Variants in SNAP91 observed in about 807,000 individuals in gnomAD.
The protein encoded by SNAP91 is clathrin coat assembly protein AP180.
Under a neutral mutation model 100.3 loss-of-function variants are expected in SNAP91, and 27 were observed. The observed-to-expected ratio is 0.27, with a 90% confidence interval of 0.20 to 0.37. SNAP91 has a LOEUF of 0.37. SNAP91 is among the 10% of genes least tolerant of loss of function. The pLI is 1.00. For synonymous variants in SNAP91, 404 were observed against 398.6 expected (o/e 1.01, Z -0.16); for missense variants, 986 against 1,123.7 (o/e 0.88, Z 1.75).
intron 2 of SNAP91, among the ~76,000 whole-genome samples, chr6:83,670,171 C>T (rs1333497381): frequency 6.6e-6 from 1 of 151,568 alleles, no homozygotes; most frequent in Admixed American, 6.6e-5. Context: ...GGCATTTCTA[C>T]CATGCTACAT....
At chr6:83,643,019 C>A (rs2097773416) in intron 7 of SNAP91, among the ~76,000 whole-genome samples, 1 of 152,020 alleles carries the variant, frequency 6.6e-6, no homozygotes, top group African/African-American at 2.4e-5. Context: ...TATCCTTTTC[C>A]CACTTTTTGA....
At chr6:83,662,999 T>G (rs1390195607) in intron 3 of SNAP91, among the ~76,000 whole-genome samples, 1 of 152,130 alleles carries the variant, frequency 6.6e-6, no homozygotes, top group East Asian at 1.9e-4. Flanking sequence ...AGTTCAAACT[T>G]TTTCATTATT....
rs144939978 is a variant in SNAP91 at position 83,661,359 on chromosome 6, A to G, written c.452+143T>C. 3.9e-3 allele frequency: 1,999 copies of G among 512,466 alleles called. 25 individuals carry two copies. The highest frequency in any genetic ancestry group is 0.035 in the African/African-American group (1,813 of 51,842). 31.7% of individuals were successfully genotyped at this position (512,466 alleles called of 1,614,324 possible). ...TTGCAACTTCAAGGCTAACTTCTAC[A>G]ATATTATTGAGTTCCTTTTTTTAGG... On this transcript the variant is annotated intron_variant, in intron 5 of 29. Coordinates refer to ENST00000369694, the MANE Select transcript of SNAP91 (RefSeq NM_001242792.2).
chr6:83,662,601 TA>T (rs1226402229), intron 3 of SNAP91, among the ~76,000 whole-genome samples, 179 bp from the exon 4 acceptor site: 1 of 152,140 alleles, frequency 6.6e-6, no homozygotes, highest in Non-Finnish European at 1.5e-5. Context: ...GAATTAGAAT[TA>T]AATTGTACGA....
At chr6:83,622,047 T>C (rs2096750619) in intron 9 of SNAP91, among the ~76,000 whole-genome samples, 1 of 152,132 alleles carries the variant, frequency 6.6e-6, no homozygotes, top group African/African-American at 2.4e-5. Flanking sequence ...AAGAGATTTT[T>C]AGTGGCACTT....
At chr6:83,633,858 C>T (rs2097312137) in intron 8 of SNAP91, among the ~76,000 whole-genome samples, 1 of 151,784 alleles carries the variant, frequency 6.6e-6, no homozygotes, top group Admixed American at 6.6e-5. Context: ...GTGGTGTCTG[C>T]ACACAGATTC....
chr6:83,651,692 C>T, intron 7 of SNAP91, among the ~76,000 whole-genome samples: 1 of 152,082 alleles, frequency 6.6e-6, no homozygotes, highest in South Asian at 2.1e-4. Context: ...TCTATGCAAG[C>T]TTGAGAAGAA....
Position 83,707,910 on chromosome 6 carries a change from G to A in SNAP91, c.18C>T (p.Leu6=). MSGQT[L]TDRIAAAQYS... ...ACTGAGCGGCGGCGATCCGATCCGT[G>A]AGCGTTTGGCCCGACATCTTCTGTG... The change falls in exon 2 of 30, where the codon CTC becomes CTT. Residue 6 remains leucine (L), a synonymous_variant. Coordinates refer to ENST00000369694, the MANE Select transcript of SNAP91 (RefSeq NM_001242792.2). 6.3e-7 allele frequency: 1 copy of A among 1,590,384 alleles called. No individual in the cohort carries two copies. The highest frequency in any genetic ancestry group is 8.5e-7 in the Non-Finnish European group (1 of 1,172,278).
rs1184252930 is a variant in SNAP91 at position 83,556,342 on chromosome 6, G to GGAGA, written c.2632-101_2632-98dup. On this transcript the variant is annotated intron_variant, in intron 28 of 29. Coordinates refer to ENST00000369694, the MANE Select transcript of SNAP91 (RefSeq NM_001242792.2). The stretch of plus-strand genomic sequence containing the variant: ...GGGGCAGGGGGAGAGAGGGAGAGGG[G>GGAGA]GAGAGAGAGAGAGAGAGAGAGAGAG... 60 of 19,722 alleles carry GGAGA rather than the reference G, an allele frequency of 3.0e-3. 1 individual carries two copies. Among genetic ancestry groups the GGAGA allele is most frequent in the East Asian group, 6.9e-3 (6 of 872 alleles). The allele number at this position is 19,722 out of a possible 1,614,324, so 1.2% of individuals were successfully genotyped here.
chr6:83,707,968 C>A lies in SNAP91; in HGVS notation c.-30-11G>T. 1 of 1,538,628 alleles carries A rather than the reference C, an allele frequency of 6.5e-7. No homozygotes were observed. The highest frequency in any genetic ancestry group is 8.7e-7 in the Non-Finnish European group (1 of 1,153,444). ...CTACCGCCTCCTCTTCTGCAGGAAA[C>A]AAGGGGAGACGGTCCGGCTTTAATC... On this transcript the variant is annotated splice_polypyrimidine_tract_variant and intron_variant, in intron 1 of 29. Coordinates refer to ENST00000369694, the MANE Select transcript of SNAP91 (RefSeq NM_001242792.2).
chr6:83,617,818 AGC>A lies in SNAP91; in HGVS notation c.808-781_808-780del, dbSNP rs560833340. 3.1e-3 allele frequency among the ~76,000 whole-genome samples: 463 copies of A among 150,880 alleles called. 2 individuals carry two copies. Among genetic ancestry groups the A allele is most frequent in the African/African-American group, 0.011 (436 of 40,476 alleles). On this transcript the variant is annotated intron_variant, in intron 9 of 29. Transcript: ENST00000369694. Reference sequence around the variant, plus strand: ...AATTTTTCACCCAATCTATTCCTTAAGCATTAGAGATTTCATTTCATCTTTCT... The same window carrying A: ...AATTTTTCACCCAATCTATTCCTTAAATTAGAGATTTCATTTCATCTTTCT...
intron 12 of SNAP91, 75 bp from the exon 13 acceptor site, chr6:83,607,883 G>C (rs1435332077): frequency 1.3e-6 from 1 of 756,494 alleles, no homozygotes; most frequent in African/African-American, 1.8e-5. Context: ...ACTTTTCTTT[G>C]TATAACCATG....
At position 83,600,076 on chromosome 6, in the gene SNAP91, G is replaced by A. The variant is rs752881963; in HGVS notation, c.1324+1195C>T. On this transcript the variant is annotated intron_variant, in intron 16 of 29. Coordinates refer to ENST00000369694, the MANE Select transcript of SNAP91 (RefSeq NM_001242792.2). ...TAGTATTACAGATGTGAGCCACTGC[G>A]CCAGACCATGGGTGACTCTTTATTC... 2.7e-4 allele frequency among the ~76,000 whole-genome samples: 41 copies of A among 152,142 alleles called. 1 individual carries two copies. Among genetic ancestry groups the A allele is most frequent in the Admixed American group, 1.3e-4 (2 of 15,282 alleles).
chr6:83,705,779 TG>T (rs1186859870), intron 2 of SNAP91, among the ~76,000 whole-genome samples: 1 of 151,160 alleles, frequency 6.6e-6, no homozygotes, highest in Admixed American at 6.6e-5. Context: ...CACTCCAGCC[TG>T]GGTGACAGAG....
chr6:83,680,774 A>G (rs758025298), intron 2 of SNAP91, among the ~76,000 whole-genome samples: 2 of 152,102 alleles, frequency 1.3e-5, no homozygotes, highest in Non-Finnish European at 2.9e-5. Flanking sequence ...CACCCACAAG[A>G]TGCCAATAGA....
intron 12 of SNAP91, among the ~76,000 whole-genome samples, chr6:83,610,034 A>T (rs766205641): frequency 6.6e-6 from 1 of 152,150 alleles, no homozygotes; most frequent in Non-Finnish European, 1.5e-5. Context: ...GAGGATACAT[A>T]AAAACATAAC....
At chr6:83,610,040 ATAACT>A (rs1294839231) in intron 12 of SNAP91, among the ~76,000 whole-genome samples, 1 of 152,162 alleles carries the variant, frequency 6.6e-6, no homozygotes, top group Non-Finnish European at 1.5e-5. Context: ...ACATAAAAAC[ATAACT>A]TACCTTTCCT....
intron 13 of SNAP91, among the ~76,000 whole-genome samples, 172 bp from the exon 14 acceptor site, chr6:83,605,975 CT>C (rs2095586502): frequency 6.6e-6 from 1 of 152,148 alleles, no homozygotes; most frequent in Admixed American, 6.5e-5. Context: ...TGGCAAACTA[CT>C]TTTGTCAAGG....
At chr6:83,705,632 C>T (rs2099365887) in intron 2 of SNAP91, among the ~76,000 whole-genome samples, 1 of 151,946 alleles carries the variant, frequency 6.6e-6, no homozygotes, top group Non-Finnish European at 1.5e-5. Context: ...TGAAGAAACC[C>T]CATCTCTACT....
Sources: allele counts gnomAD v4.1 joint callset (sites outside exome capture counted in the v4.1 genomes callset), GRCh38; gene constraint gnomAD v4.1.1; transcripts MANE v1.5; gene names NCBI Gene and HGNC (gene_info 2026-07-23, HGNC 2026-07-21).